LHPP: variants seen among roughly 807,000 people sequenced by gnomAD.
The protein encoded by LHPP is phospholysine phosphohistidine inorganic pyrophosphate phosphatase.
A neutral mutation model predicts 30.3 loss-of-function variants in LHPP; 24 were observed. The ratio of observed to expected loss-of-function variants is 0.79; its 90% confidence interval spans 0.57 to 1.11. The LOEUF is 1.11. Among genes scored for constraint, LHPP ranks in the 50% most tolerant of loss-of-function variants. LHPP has a pLI of 0.00. For synonymous variants in LHPP, 150 were observed against 157.1 expected, an observed-to-expected ratio of 0.95 and a Z score of 0.34; for missense variants, 356 against 367.2, an observed-to-expected ratio of 0.97 and a Z score of 0.25.
chr10:124,610,123 C>T (rs558741345), intron 6 of LHPP, among the ~76,000 whole-genome samples: 1 of 152,326 alleles, frequency 6.6e-6, no homozygotes, highest in Non-Finnish European at 1.5e-5. Context: ...CCAGCACTGA[C>T]GCAGGATTGC....
At chr10:124,607,819 G>T (rs2134018548) in intron 6 of LHPP, among the ~76,000 whole-genome samples, 1 of 152,336 alleles carries the variant, frequency 6.6e-6, no homozygotes, top group Admixed American at 6.5e-5. Context: ...GGAACTGGCT[G>T]CGGTACCAGA....
intron 6 of LHPP, among the ~76,000 whole-genome samples, chr10:124,542,483 C>G (rs980407171): frequency 3.3e-5 from 5 of 152,172 alleles, no homozygotes; most frequent in African/African-American, 1.2e-4. Flanking sequence ...CCAGGGTCTC[C>G]CTGGGACTGG....
intron 6 of LHPP, among the ~76,000 whole-genome samples, chr10:124,578,015 C>T (rs1300108102): frequency 6.6e-6 from 1 of 152,188 alleles, no homozygotes; most frequent in Non-Finnish European, 1.5e-5. Context: ...GGACCTCTTC[C>T]TCTATGCCAG....
intron 1 of LHPP, among the ~76,000 whole-genome samples, chr10:124,467,469 A>G (rs986573651): frequency 3.3e-5 from 5 of 151,562 alleles, no homozygotes; most frequent in African/African-American, 1.2e-4. Context: ...TGTTTGGCAC[A>G]CAGTAGACCC....
At chr10:124,499,442 G>A (rs1381554145) in intron 5 of LHPP, among the ~76,000 whole-genome samples, 1 of 151,590 alleles carries the variant, frequency 6.6e-6, no homozygotes, top group Non-Finnish European at 1.5e-5. Flanking sequence ...TCAGGAGTTT[G>A]AGACCAGCCT....
chr10:124,491,141 AGAATTCTAG>A (rs1396614329), intron 3 of LHPP, among the ~76,000 whole-genome samples: 4 of 152,236 alleles, frequency 2.6e-5, no homozygotes, highest in Non-Finnish European at 5.9e-5. Flanking sequence ...CTGCACAGCT[AGAATTCTAG>A]AATCACAGGG....
rs79044990 is a variant in LHPP at position 124,586,385 on chromosome 10, G to A, written c.717-26879G>A. ...GTTCCCTAGTCCTCTTCCTTCTGGA[G>A]TTGGGAGGGGGAAATAGCCCTGCCC... On this transcript the variant is annotated intron_variant, in intron 6 of 6. Transcript: ENST00000368842. Among the ~76,000 whole-genome samples the A allele has an allele frequency of 8.1e-3, 1,230 of 152,350 alleles. 14 individuals are homozygous for A. Among genetic ancestry groups the A allele is most frequent in the African/African-American group, 0.028 (1,174 of 41,570 alleles).
chr10:124,605,795 T>C (rs904348710), intron 6 of LHPP, among the ~76,000 whole-genome samples: 8 of 147,566 alleles, frequency 5.4e-5, no homozygotes, highest in Non-Finnish European at 4.5e-5. Flanking sequence ...GGGAAGCCAC[T>C]CTGGCTGCAA....
At chr10:124,484,381 G>A (rs1953251606) in intron 2 of LHPP, 55 bp downstream of exon 2, 5 of 1,530,254 alleles carry the variant, frequency 3.3e-6, no homozygotes, top group African/African-American at 2.7e-5. Flanking sequence ...CTTTCCCAGG[G>A]TGGGGGCTGT....
intron 6 of LHPP, among the ~76,000 whole-genome samples, chr10:124,607,719 G>A (rs914925556): frequency 9.9e-5 from 15 of 152,188 alleles, no homozygotes; most frequent in African/African-American, 1.2e-4. Flanking sequence ...AATCATGGGC[G>A]GTGTTTGCTG....
At chr10:124,548,983 A>C (rs1480013717) in intron 6 of LHPP, among the ~76,000 whole-genome samples, 6 of 152,234 alleles carry the variant, frequency 3.9e-5, no homozygotes, top group Non-Finnish European at 7.3e-5. Flanking sequence ...CTGTAGAATA[A>C]ATACATGCAT....
At chr10:124,603,601 G>A (rs981574345) in intron 6 of LHPP, among the ~76,000 whole-genome samples, 2 of 152,168 alleles carry the variant, frequency 1.3e-5, no homozygotes, top group South Asian at 2.1e-4. Flanking sequence ...AAAGCCGCCC[G>A]AGAAGGTCCT....
chr10:124,488,381 C>T (rs1953404882), intron 2 of LHPP, 41 bp from the exon 3 acceptor site: 7 of 1,601,466 alleles, frequency 4.4e-6, no homozygotes, highest in Non-Finnish European at 5.1e-6. Flanking sequence ...GCCATGTCCT[C>T]CCAGGGCTCC....
chr10:124,540,709 C>G (rs1348600325), intron 6 of LHPP, among the ~76,000 whole-genome samples: 2 of 152,136 alleles, frequency 1.3e-5, no homozygotes, highest in Non-Finnish European at 2.9e-5. Context: ...CCAGCAGCAG[C>G]AGAGAGAAAG....
chr10:124,507,189 T>C (rs1288872252), intron 5 of LHPP, among the ~76,000 whole-genome samples: 1 of 52,302 alleles, frequency 1.9e-5, no homozygotes, highest in Non-Finnish European at 3.5e-5. Flanking sequence ...GTCAGGGGGA[T>C]AGACAGGATT....
chr10:124,585,328 A>G (rs1948790760), intron 6 of LHPP, among the ~76,000 whole-genome samples: 1 of 152,110 alleles, frequency 6.6e-6, no homozygotes, highest in African/African-American at 2.4e-5. Context: ...AGAAATGGAG[A>G]CTTAGGCCAG....
chr10:124,506,686 ATTT>A (rs1954084784), intron 5 of LHPP, among the ~76,000 whole-genome samples: 1 of 65,936 alleles, frequency 1.5e-5, no homozygotes, highest in Non-Finnish European at 3.0e-5. Context: ...GGTAGGGAAG[ATTT>A]CAGGTTGGCG....
In LHPP at chr10:124,492,391, T is replaced by A. The variant is rs145617257; in HGVS notation, c.467+3816T>A. Among the ~76,000 whole-genome samples the A allele has an allele frequency of 3.7e-3, 560 of 152,312 alleles. 3 individuals are homozygous for A. Among genetic ancestry groups the A allele is most frequent in the African/African-American group, 0.013 (541 of 41,548 alleles). On this transcript the variant is annotated intron_variant, in intron 3 of 6. Coordinates refer to ENST00000368842, the MANE Select transcript of LHPP (RefSeq NM_022126.4). ...AGGATATAGATATGTAGAGAGATTG[T>A]GGAGGCTTGGCGAGTCCAAAATCTG...
At chr10:124,497,588 C>G (rs556973984) in intron 4 of LHPP, among the ~76,000 whole-genome samples, 1 of 152,352 alleles carries the variant, frequency 6.6e-6, no homozygotes, top group South Asian at 2.1e-4. Context: ...CCCGTCCCAT[C>G]CTCACAGCTG....
Sources: gnomAD v4.1 joint callset for allele counts (sites outside exome capture counted in the v4.1 genomes callset) on GRCh38, gnomAD v4.1.1 for gene constraint, MANE v1.5 for transcripts, NCBI Gene and HGNC (gene_info 2026-07-23, HGNC 2026-07-21) for gene names.